Variants in UST observed in about 807,000 individuals in gnomAD.
The protein encoded by UST is uronyl 2-sulfotransferase, also known as chondroitin sulfate 2-O-sulfotransferase.
In UST, 21 loss-of-function variants were observed where a neutral mutation model predicts 45.6. The observed-to-expected ratio is 0.46, with a 90% confidence interval of 0.33 to 0.66. The LOEUF is 0.66. Among genes scored for constraint, UST ranks in the 30% least tolerant of loss-of-function variants. UST has a pLI of 0.02. For synonymous variants in UST, 215 were observed against 200.6 expected (o/e 1.07, Z -0.61); for missense variants, 463 against 512.4 (o/e 0.90, Z 0.93).
Position 148,957,559 on chromosome 6 carries a change from G to A in UST, c.527+3608G>A, listed in dbSNP as rs190628422. ...AGCGATTCTCCTGCCTCAGCCTCCC[G>A]AGTAGCTGGAATTACAGGCATGCAC... is the stretch of plus-strand genomic sequence containing the variant. On this transcript the variant is annotated intron_variant, in intron 4 of 7. Coordinates refer to ENST00000367463, the MANE Select transcript of UST (RefSeq NM_005715.3). Among the ~76,000 whole-genome samples, 132 of 151,980 alleles carry A rather than the reference G, an allele frequency of 8.7e-4. 4 individuals carry two copies. The East Asian group carries it at 0.022, about 25-fold the overall frequency.
chr6:148,917,996 G>T (rs974950436), intron 2 of UST, among the ~76,000 whole-genome samples: 2 of 152,138 alleles, frequency 1.3e-5, no homozygotes, highest in African/African-American at 4.8e-5. Flanking sequence ...ATAACTGTGG[G>T]TCCCGGGTGG....
At chr6:148,964,896 G>A (rs1428597537) in intron 5 of UST, among the ~76,000 whole-genome samples, 2 of 152,124 alleles carry the variant, frequency 1.3e-5, no homozygotes, top group African/African-American at 4.8e-5. Context: ...GTGTTGGGGG[G>A]GTGTCTGTTA....
At position 148,790,952 on chromosome 6, in the gene UST, C is replaced by T. The variant is rs1294612077; in HGVS notation, c.247+43275C>T. Among the ~76,000 whole-genome samples, 8 of 152,342 alleles carry T rather than the reference C, an allele frequency of 5.3e-5. No homozygotes were observed. The highest frequency in any genetic ancestry group is 1.4e-4 in the African/African-American group (6 of 41,562). Reference sequence around the variant, plus strand: ...ATGCACATCTCTCCCTCAGGATCTGCGCAACAGTTAAAGGTGCACGCGTTA... The same window carrying T: ...ATGCACATCTCTCCCTCAGGATCTGTGCAACAGTTAAAGGTGCACGCGTTA... On this transcript the variant is annotated intron_variant, in intron 1 of 7. Transcript: ENST00000367463. This position sits in a 1 kb window ranked among gnomAD's most constrained non-coding sequence, Gnocchi z 4.2.
At chr6:148,796,622 TCAAAAAAAAA>T (rs1162582130) in intron 1 of UST, among the ~76,000 whole-genome samples, 2 of 44,440 alleles carry the variant, frequency 4.5e-5, no homozygotes, top group East Asian at 1.7e-3. Flanking sequence ...AGACTCTGTC[TCAAAAAAAAA>T]AAAAAAAAAA....
chr6:149,064,816 G>T (rs961984126), intron 7 of UST, among the ~76,000 whole-genome samples: 1 of 151,942 alleles, frequency 6.6e-6, no homozygotes, highest in African/African-American at 2.4e-5. Context: ...GAAGAATGTA[G>T]CCGCCCTTTG....
intron 7 of UST, among the ~76,000 whole-genome samples, chr6:149,050,949 T>C (rs1054936668): frequency 1.3e-5 from 2 of 152,204 alleles, no homozygotes; most frequent in South Asian, 2.1e-4. Context: ...CCAAGGCTAA[T>C]TGTGGGGCCA....
At chr6:148,941,503 T>TA in intron 3 of UST, 69 bp downstream of exon 3, 14 of 1,493,602 alleles carry the variant, frequency 9.4e-6, no homozygotes, top group Non-Finnish European at 1.3e-5. Context: ...GTGGGTGCCT[T>TA]ACAGGTCATC....
chr6:149,073,760 T>C, intron 7 of UST, 73 bp from the exon 8 acceptor site: 1 of 1,549,410 alleles, frequency 6.5e-7, no homozygotes, highest in Non-Finnish European at 8.7e-7. Context: ...GTACAGGTAA[T>C]GTGGGTCCTC....
intron 2 of UST, among the ~76,000 whole-genome samples, chr6:148,920,584 G>A (rs114193176): frequency 0.029 from 4,431 of 152,136 alleles, 228 homozygotes; most frequent in African/African-American, 0.1. Context: ...GCTGGAATGC[G>A]GTGGCCCAAT....
At chr6:148,872,975 TCA>T (rs1001920975) in intron 1 of UST, among the ~76,000 whole-genome samples, 15 of 152,174 alleles carry the variant, frequency 9.9e-5, no homozygotes, top group Admixed American at 8.5e-4. Context: ...AGTAACGGAC[TCA>T]CAGGTTTTGG....
At chr6:148,763,948 C>G (rs1396763893) in intron 1 of UST, among the ~76,000 whole-genome samples, 1 of 152,074 alleles carries the variant, frequency 6.6e-6, no homozygotes, top group African/African-American at 2.4e-5. Context: ...CAGCTTTGTT[C>G]TTTTTGCTTA....
At chr6:148,794,827 G>A (rs763079445) in intron 1 of UST, among the ~76,000 whole-genome samples, 2 of 152,176 alleles carry the variant, frequency 1.3e-5, no homozygotes, top group Non-Finnish European at 2.9e-5. Flanking sequence ...TGGAAGTTGG[G>A]GAACTTATTC....
chr6:148,953,520 C>A (rs182765596), intron 3 of UST, among the ~76,000 whole-genome samples: 1 of 152,154 alleles, frequency 6.6e-6, no homozygotes, highest in Non-Finnish European at 1.5e-5. Flanking sequence ...CGGAGGCTCA[C>A]GCTTGTAATC....
chr6:148,982,725 C>G lies in UST; in HGVS notation c.681+18162C>G, dbSNP rs1781163267. On this transcript the variant is annotated intron_variant, in intron 5 of 7. Transcript: ENST00000367463. ...CTTCTGTTATGCTTAGCAGCCTTAA[C>G]AGTGCTTTTAAACTTGAGGTTTATG... Among the ~76,000 whole-genome samples the G allele has an allele frequency of 3.3e-5, 5 of 152,218 alleles. No individual in the cohort carries two copies. The South Asian group carries it at 8.3e-4, about 25-fold the overall frequency.
chr6:148,978,916 C>T (rs201840177), intron 5 of UST, among the ~76,000 whole-genome samples: 8 of 152,208 alleles, frequency 5.3e-5, no homozygotes, highest in East Asian at 3.9e-4. Flanking sequence ...TGCCAAATTT[C>T]GCTCATTTCT....
intron 2 of UST, among the ~76,000 whole-genome samples, chr6:148,904,346 C>T (rs985123218): frequency 1.3e-5 from 2 of 151,974 alleles, no homozygotes; most frequent in African/African-American, 4.8e-5. Flanking sequence ...ATGATGAATC[C>T]ACAGTAGATT....
At chr6:148,931,754 C>T (rs1199463718) in intron 2 of UST, among the ~76,000 whole-genome samples, 2 of 152,162 alleles carry the variant, frequency 1.3e-5, no homozygotes, top group Non-Finnish European at 2.9e-5. Flanking sequence ...CAGATGTTCA[C>T]GGGAAGATGA....
At position 148,814,015 on chromosome 6, in the gene UST, A is replaced by G. The variant is rs977500942; in HGVS notation, c.247+66338A>G. Among the ~76,000 whole-genome samples the G allele has an allele frequency of 3.9e-5, 6 of 152,170 alleles. No individual in the cohort carries two copies. In the East Asian group the frequency reaches 1.2e-3, roughly 29 times the overall value. ...ATCTTTTCGGCCTTTCCAGGAACCC[A>G]TCTGGATGCATTTACACGATGCACT... On this transcript the variant is annotated intron_variant, in intron 1 of 7. Transcript: ENST00000367463.
chr6:148,863,893 A>G (rs1285234895), intron 1 of UST, among the ~76,000 whole-genome samples: 1 of 152,166 alleles, frequency 6.6e-6, no homozygotes, highest in African/African-American at 2.4e-5. Context: ...ACCCGGCCGT[A>G]TGAGGTGTCA....
Sources: allele counts gnomAD v4.1 joint callset (sites outside exome capture counted in the v4.1 genomes callset), GRCh38; gene constraint gnomAD v4.1.1; non-coding constraint Gnocchi (gnomAD v3.1); transcripts MANE v1.5; gene names NCBI Gene and HGNC (gene_info 2026-07-23, HGNC 2026-07-21).